SIMC1: variants seen among roughly 807,000 people sequenced by gnomAD.
The protein encoded by SIMC1 is SUMO interacting motifs containing 1.
SIMC1 carries 55 observed loss-of-function variants against 82.3 expected under a neutral mutation model. The ratio of observed to expected loss-of-function variants is 0.67; its 90% CI spans 0.54 to 0.84. The LOEUF is 0.84. Ranked by LOEUF, SIMC1 falls within the 40% of genes least tolerant of loss-of-function variation. The probability of loss-of-function intolerance (pLI) is 0.00; values close to 1 mark genes in which losing one functional copy is unlikely to be tolerated. For missense variants in SIMC1, 915 were observed against 1,107.2 expected (o/e 0.83, Z 2.46); for synonymous variants, 353 against 426.3 (o/e 0.83, Z 2.12).
chr5:176,345,710 T>C lies in SIMC1; in HGVS notation c.*265T>C, dbSNP rs1340862906. On this transcript the variant is annotated 3_prime_UTR_variant, in exon 10 of 10. Transcript: ENST00000429602. The stretch of plus-strand genomic sequence containing the variant: ...ATACTTTTTTGAAACAGGTTAATAC[T>C]CTGTGCATCACATGTTTAACATTTT... The C allele has an allele frequency of 5.2e-6, 1 of 193,350 alleles. No homozygotes were observed. The highest frequency in any genetic ancestry group is 1.2e-4 in the East Asian group (1 of 8,334). 12.0% of individuals were successfully genotyped at this position (193,350 alleles called of 1,614,324 possible).
chr5:176,293,913 A>G (rs1158242074), intron 2 of SIMC1, among the ~76,000 whole-genome samples: 1 of 152,122 alleles, frequency 6.6e-6, no homozygotes, highest in Non-Finnish European at 1.5e-5. Flanking sequence ...TCTACCACCC[A>G]CATAATAGAA....
In SIMC1 at chr5:176,290,320, CAAG is replaced by C; in HGVS notation, c.800_802del (p.Glu267del). The C allele has an allele frequency of 1.9e-6, 3 of 1,613,988 alleles. No individual in the cohort carries two copies. The highest frequency in any genetic ancestry group is 2.5e-6 in the Non-Finnish European group (3 of 1,179,884). On this transcript the variant is annotated inframe_deletion, in exon 2 of 10. Transcript: ENST00000429602. ...ACTACCAGCTCTAACTCACCCACCT[CAAG>C]AAGTGCCATGCCCTCGGCAGAATAT...
At chr5:176,286,527 A>T (rs1481519609) in intron 1 of SIMC1, among the ~76,000 whole-genome samples, 1 of 152,272 alleles carries the variant, frequency 6.6e-6, no homozygotes, top group Non-Finnish European at 1.5e-5. Context: ...CTAAAAGCAT[A>T]AAAACCCTAG....
At chr5:176,298,102 C>T (rs930232981) in intron 4 of SIMC1, among the ~76,000 whole-genome samples, 25 of 152,108 alleles carry the variant, frequency 1.6e-4, no homozygotes, top group South Asian at 6.2e-4. Flanking sequence ...ACTCTAGAGC[C>T]GAATTAAGAA....
At chr5:176,293,843 G>A (rs1763687076) in intron 2 of SIMC1, among the ~76,000 whole-genome samples, 1 of 151,764 alleles carries the variant, frequency 6.6e-6, no homozygotes, top group African/African-American at 2.4e-5. Flanking sequence ...AAAGTAATAA[G>A]TGTGTTATGG....
Position 176,290,473 on chromosome 5 carries a change from C to G in SIMC1, c.949C>G (p.Gln317Glu). The G allele has an allele frequency of 6.2e-7, 1 of 1,613,882 alleles. No individual in the cohort carries two copies. The highest frequency in any genetic ancestry group is 8.5e-7 in the Non-Finnish European group (1 of 1,179,788). Residue 317 changes from glutamine (Q) to glutamate (E), a missense_variant, in exon 2 of 10, where the codon CAG becomes GAG. Coordinates refer to ENST00000429602, the MANE Select transcript of SIMC1 (RefSeq NM_001308195.2). ...GCCACGGTCACCAGGAGATGTGCCA[C>G]AGTCACCAAGTGATGTTTCACCGTC... ...DMPRSPGDVP[Q>E]SPSDVSPSPD...
intron 7 of SIMC1, among the ~76,000 whole-genome samples, chr5:176,333,534 A>T (rs982252666): frequency 6.6e-6 from 1 of 151,282 alleles, no homozygotes; most frequent in Non-Finnish European, 1.5e-5. Context: ...GGCTCAAGTG[A>T]TTCTCCTGTC....
chr5:176,296,451 C>A, intron 4 of SIMC1, 131 bp downstream of exon 4: 2 of 1,461,268 alleles, frequency 1.4e-6, no homozygotes, highest in Non-Finnish European at 1.9e-6. Context: ...ACAGTTTGAG[C>A]CCAGGAGTTC....
At chr5:176,336,463 T>A (rs937004109) in intron 7 of SIMC1, among the ~76,000 whole-genome samples, 2 of 152,206 alleles carry the variant, frequency 1.3e-5, no homozygotes, top group Non-Finnish European at 2.9e-5. Context: ...ATAGTGACAA[T>A]GTGTAGTAAT....
At position 176,313,708 on chromosome 5, in the gene SIMC1, G is replaced by C. The variant is rs764662477; in HGVS notation, c.1752G>C (p.Gly584=). 3.1e-6 allele frequency: 5 copies of C among 1,613,910 alleles called. No homozygotes were observed. Among genetic ancestry groups the C allele is most frequent in the African/African-American group, 2.7e-5 (2 of 75,014 alleles). The stretch of plus-strand genomic sequence containing the variant: ...TCCCACAGGGACAAACTCTGCCTGG[G>C]CGAGTCCTTTTCCTGCGTTATGTCG... ...VMEEEGQTLP[G]RVLFLRYVVQ... Residue 584 remains glycine, a synonymous_variant, in exon 5 of 10, where the codon GGG becomes GGC. Transcript: ENST00000429602.
intron 7 of SIMC1, among the ~76,000 whole-genome samples, chr5:176,332,172 T>C (rs983688163): frequency 6.6e-6 from 1 of 152,252 alleles, no homozygotes; most frequent in African/African-American, 2.4e-5. Flanking sequence ...GTTTCCTGTT[T>C]GTTCTTTCTT....
chr5:176,341,444 G>GT (rs1222735607), intron 9 of SIMC1, among the ~76,000 whole-genome samples: 1 of 152,262 alleles, frequency 6.6e-6, no homozygotes, highest in Non-Finnish European at 1.5e-5. Flanking sequence ...TTGGTTCCAA[G>GT]TAAGGGAGTG....
chr5:176,241,565 A>G (rs1761275518), intron 1 of SIMC1, among the ~76,000 whole-genome samples: 1 of 151,852 alleles, frequency 6.6e-6, no homozygotes, highest in Admixed American at 6.6e-5. Context: ...CTTTATATGT[A>G]GCTAACCCTT....
At chr5:176,262,280 A>T (rs1279190461) in intron 1 of SIMC1, among the ~76,000 whole-genome samples, 26 of 9,778 alleles carry the variant, frequency 2.7e-3, no homozygotes, top group South Asian at 0.024. Context: ...TTCATGATTT[A>T]AAAAAAAAAA....
chr5:176,305,548 G>A (rs1429210531), intron 4 of SIMC1, among the ~76,000 whole-genome samples: 14 of 137,616 alleles, frequency 1.0e-4, no homozygotes, highest in Non-Finnish European at 1.6e-4. Flanking sequence ...TCAGCCCCCC[G>A]CCTGGCCAGC....
At chr5:176,271,924 TA>T (rs57154998) in intron 1 of SIMC1, among the ~76,000 whole-genome samples, 64,420 of 121,658 alleles carry the variant, frequency 0.53, 16,224 homozygotes, top group Non-Finnish European at 0.59. Context: ...TTGTATATTA[TA>T]TTATAATATA....
intron 1 of SIMC1, among the ~76,000 whole-genome samples, chr5:176,288,566 A>G (rs1763400157): frequency 1.3e-5 from 2 of 152,178 alleles, no homozygotes; most frequent in African/African-American, 2.4e-5. Context: ...TGCCATTGAG[A>G]GCCAAGCCAC....
rs182587653 is a variant in SIMC1, at chr5:176,289,746, T to C, written c.222T>C (p.Asn74=). ...ACCTGACAAGAGCTGAGGGAGAAAATAGACCTATTGCCACTCTTGACTTAA... is the reference window on the plus strand; with the variant it reads ...ACCTGACAAGAGCTGAGGGAGAAAACAGACCTATTGCCACTCTTGACTTAA... ...VIDLTRAEGE[N]RPIATLDLTL... is the part of the protein sequence containing the mutation. The change falls in exon 2 of 10, where the codon AAT becomes AAC. Residue 74 remains asparagine, a synonymous_variant. Transcript: ENST00000429602. 9 of 1,613,728 alleles carry C rather than the reference T, an allele frequency of 5.6e-6. No individual in the cohort carries two copies. Among genetic ancestry groups the C allele is most frequent in the South Asian group, 3.3e-5 (3 of 91,050 alleles).
At chr5:176,314,625 A>G (rs1411669328) in intron 5 of SIMC1, among the ~76,000 whole-genome samples, 3 of 152,184 alleles carry the variant, frequency 2.0e-5, no homozygotes, top group African/African-American at 7.2e-5. Context: ...TCTTTTTTGC[A>G]GAATCAGAGT....
Sources: gnomAD v4.1 joint callset for allele counts (sites outside exome capture counted in the v4.1 genomes callset) on GRCh38, gnomAD v4.1.1 for gene constraint, MANE v1.5 for transcripts, NCBI Gene and HGNC (gene_info 2026-07-23, HGNC 2026-07-21) for gene names.